Variants in PRDM1 observed in about 807,000 individuals in gnomAD.
PRDM1 encodes the protein PR domain zinc finger protein 1.
PRDM1 carries 13 observed loss-of-function variants against 62.8 expected under a neutral mutation model. The observed-to-expected ratio is 0.21, with a 90% CI of 0.13 to 0.33. The LOEUF (loss-of-function observed/expected upper bound fraction) is 0.33, where lower values mean the gene tolerates loss of function less well. PRDM1 is among the 10% of genes least tolerant of loss of function. The pLI, the probability that PRDM1 is intolerant of heterozygous loss-of-function variation, is 1.00. For missense variants in PRDM1, 895 were observed against 1,058.8 expected (o/e 0.85, Z 2.15); for synonymous variants, 396 against 417.6 (o/e 0.95, Z 0.63).
In PRDM1 at chr6:106,086,535, T is replaced by G. The variant is rs1007759744; in HGVS notation, c.-19T>G. 2 of 1,551,196 alleles carry G rather than the reference T, an allele frequency of 1.3e-6. No homozygotes were observed. The highest frequency in any genetic ancestry group is 1.7e-6 in the Non-Finnish European group (2 of 1,146,386). ...GGGGAGAATGTGGACTGGGTAGAGA[T>G]GAACGAGACTTTTCTCAGATGTTGG... On this transcript the variant is annotated 5_prime_UTR_variant, in exon 1 of 7. The change abolishes an upstream ATG in the 5' untranslated region. Transcript: ENST00000369096.
At chr6:106,015,503 A>G (rs992229888) in intron 1 of PRDM1, among the ~76,000 whole-genome samples, 2 of 152,138 alleles carry the variant, frequency 1.3e-5, no homozygotes, top group Non-Finnish European at 2.9e-5. Flanking sequence ...AGAAAGAGAA[A>G]AAGAGATTTG....
At chr6:106,018,938 G>A (rs1772658045) in intron 1 of PRDM1, among the ~76,000 whole-genome samples, 1 of 151,966 alleles carries the variant, frequency 6.6e-6, no homozygotes, top group African/African-American at 2.4e-5. Flanking sequence ...TGGGGACAGA[G>A]TATCTACATA....
intron 1 of PRDM1, among the ~76,000 whole-genome samples, chr6:106,024,884 C>T (rs1772744932): frequency 6.6e-6 from 1 of 152,150 alleles, no homozygotes; most frequent in Non-Finnish European, 1.5e-5. Flanking sequence ...ATGCTCATAA[C>T]CAACAACAAC....
At chr6:106,016,443 T>C (rs1390154900) in intron 1 of PRDM1, among the ~76,000 whole-genome samples, 1 of 152,182 alleles carries the variant, frequency 6.6e-6, no homozygotes, top group South Asian at 2.1e-4. Context: ...GTATGTCTTA[T>C]TCTTTCTCGC....
chr6:106,090,631 C>T (rs1773937493), intron 2 of PRDM1, among the ~76,000 whole-genome samples: 1 of 152,160 alleles, frequency 6.6e-6, no homozygotes, highest in Non-Finnish European at 1.5e-5. Flanking sequence ...TCCGGGACAG[C>T]AACATTAAGG....
chr6:106,042,919 C>G (rs370123318), intron 1 of PRDM1, among the ~76,000 whole-genome samples: 1 of 152,078 alleles, frequency 6.6e-6, no homozygotes, highest in Non-Finnish European at 1.5e-5. Flanking sequence ...GGCGCATTCT[C>G]GGCTCACCGC....
intron 1 of PRDM1, among the ~76,000 whole-genome samples, chr6:106,030,410 C>A (rs575616592): frequency 1.6e-4 from 25 of 152,246 alleles, no homozygotes; most frequent in African/African-American, 5.8e-4. Flanking sequence ...TGGCCTCAAG[C>A]AATCCTCCCA....
At chr6:106,072,890 G>C (rs1031805568) in intron 1 of PRDM1, among the ~76,000 whole-genome samples, 1 of 152,160 alleles carries the variant, frequency 6.6e-6, no homozygotes, top group African/African-American at 2.4e-5. Context: ...CGTAGCCTAT[G>C]TTGTGTACAG....
At chr6:106,088,975 T>A (rs929736178) in intron 2 of PRDM1, among the ~76,000 whole-genome samples, 1 of 151,954 alleles carries the variant, frequency 6.6e-6, no homozygotes, top group Non-Finnish European at 1.5e-5. Context: ...AGAAAGGGGG[T>A]CATGTAAAAG....
chr6:106,016,697 G>A (rs1235167262), intron 1 of PRDM1, among the ~76,000 whole-genome samples: 1 of 138,538 alleles, frequency 7.2e-6, no homozygotes, highest in African/African-American at 2.7e-5. Context: ...CACCCAGGCT[G>A]GAGTGCAGTG....
chr6:106,009,192 A>G (rs546803747), intron 1 of PRDM1, among the ~76,000 whole-genome samples: 2 of 152,354 alleles, frequency 1.3e-5, no homozygotes, highest in South Asian at 2.1e-4. Context: ...TGTTTGAAGC[A>G]AGGAAATTGG....
At chr6:106,023,827 T>C (rs1192080512) in intron 1 of PRDM1, among the ~76,000 whole-genome samples, 2 of 152,194 alleles carry the variant, frequency 1.3e-5, no homozygotes, top group African/African-American at 4.8e-5. Flanking sequence ...ATCTTTACTT[T>C]TTCTCTGATA....
At position 106,106,474 on chromosome 6, in the gene PRDM1, C is replaced by T. The variant is rs2114660329; in HGVS notation, c.1877C>T (p.Thr626Met). 1 of 1,614,152 alleles carries T rather than the reference C, an allele frequency of 6.2e-7. No homozygotes were observed. The highest frequency in any genetic ancestry group is 8.5e-7 in the Non-Finnish European group (1 of 1,180,012). ...CTGCAGAAACACTACCTGGTACACA[C>T]GGGAGAAAAGCCACATGAATGCCAG... ...AHLQKHYLVH[T>M]GEKPHECQVC... is the part of the protein sequence containing the mutation. Residue 626 changes from threonine to methionine, a missense_variant, in exon 6 of 7, where the codon ACG (threonine) becomes ATG (methionine). Transcript: ENST00000369096. The surrounding 1 kb of genome is among the most constrained non-coding windows in gnomAD (Gnocchi z 4.4).
intron 4 of PRDM1, among the ~76,000 whole-genome samples, chr6:106,101,855 G>A (rs1018289070): frequency 2.0e-5 from 3 of 152,134 alleles, no homozygotes; most frequent in African/African-American, 4.8e-5. Context: ...CAAACCAAAG[G>A]AAAGAAAAGT....
Position 106,107,676 on chromosome 6 carries a change from C to CAATA in PRDM1, c.*190_*191insAATA. The CAATA allele has an allele frequency of 9.8e-6, 1 of 102,366 alleles. No homozygotes were observed. Among genetic ancestry groups the CAATA allele is most frequent in the Non-Finnish European group, 1.6e-5 (1 of 61,494 alleles). The allele number at this position is 102,366 out of a possible 1,614,324, so 6.3% of individuals were successfully genotyped here. The stretch of plus-strand genomic sequence containing the variant: ...TCTCAGGGCATGAACAAGGCAAAGG[C>CAATA]CATATATATATATATATATATATCT... On this transcript the variant is annotated 3_prime_UTR_variant, in exon 7 of 7. Transcript: ENST00000369096.
At chr6:106,059,463 T>C (rs1773313037) in intron 1 of PRDM1, among the ~76,000 whole-genome samples, 1 of 151,824 alleles carries the variant, frequency 6.6e-6, no homozygotes, top group Non-Finnish European at 1.5e-5. Context: ...AGAGAACAAG[T>C]GGGAGAATGA....
intron 1 of PRDM1, among the ~76,000 whole-genome samples, chr6:106,051,319 C>T (rs1471883195): frequency 6.6e-6 from 1 of 152,216 alleles, no homozygotes. Flanking sequence ...TGGGCTAGGT[C>T]TTCTGCCCCC....
intron 1 of PRDM1, among the ~76,000 whole-genome samples, chr6:106,000,885 A>G (rs2114542124): frequency 6.6e-6 from 1 of 152,324 alleles, no homozygotes; most frequent in East Asian, 1.9e-4. Context: ...TTGTCTTTCT[A>G]GGATACCACA....
At chr6:106,073,029 TG>T (rs1773543860) in intron 1 of PRDM1, among the ~76,000 whole-genome samples, 1 of 152,022 alleles carries the variant, frequency 6.6e-6, no homozygotes, top group African/African-American at 2.4e-5. Context: ...GTCCAAATCC[TG>T]GTGACAAATA....
Sources: allele counts gnomAD v4.1 joint callset (sites outside exome capture counted in the v4.1 genomes callset), GRCh38; gene constraint gnomAD v4.1.1; non-coding constraint Gnocchi (gnomAD v3.1); transcripts MANE v1.5; gene names NCBI Gene and HGNC (gene_info 2026-07-23, HGNC 2026-07-21).